Variants in TAOK3 observed in about 807,000 individuals in gnomAD.
TAOK3 encodes the protein TAO kinase 3.
In TAOK3, 40 loss-of-function variants were observed where a neutral mutation model predicts 120.4. The observed-to-expected ratio is 0.33, with a 90% CI of 0.26 to 0.43. The LOEUF is 0.43. TAOK3 is among the 20% of genes least tolerant of loss of function. The pLI, the probability that TAOK3 is intolerant of heterozygous loss-of-function variation, is 1.00. For synonymous variants in TAOK3, 355 were observed against 387.5 expected (o/e 0.92, Z 0.99); for missense variants, 821 against 1,112.1 (o/e 0.74, Z 3.72).
In TAOK3 at chr12:118,354,928, AT is replaced by A. The variant is rs994511898; in HGVS notation, c.-194+17719del. ...CAGACTAATACATCCTGTCTCTGCA[AT>A]TTTTTTTTTTAATTAGCTATCTGGG... On this transcript the variant is annotated intron_variant, in intron 1 of 20. Coordinates refer to ENST00000392533, the MANE Select transcript of TAOK3 (RefSeq NM_016281.4). 9.5e-5 allele frequency among the ~76,000 whole-genome samples: 14 copies of A among 148,136 alleles called. No homozygotes were observed. The East Asian group carries it at 1.0e-3, about 11-fold the overall frequency.
At chr12:118,315,726 C>A (rs1038874657) in intron 1 of TAOK3, among the ~76,000 whole-genome samples, 1 of 151,904 alleles carries the variant, frequency 6.6e-6, no homozygotes, top group African/African-American at 2.4e-5. Flanking sequence ...AAAGGAAAAT[C>A]TAAAAATGAA....
In TAOK3 at chr12:118,206,761, T is replaced by A. The variant is rs372765806; in HGVS notation, c.820-5298A>T. 4.3e-3 allele frequency among the ~76,000 whole-genome samples: 661 copies of A among 152,018 alleles called. 2 individuals carry two copies. Among genetic ancestry groups the A allele is most frequent in the Non-Finnish European group, 6.5e-3 (445 of 67,976 alleles). On this transcript the variant is annotated intron_variant, in intron 11 of 20. Transcript: ENST00000392533. ...ACAGGCATGCACCACCATTTCCAGC[T>A]AATTTTTTGTATTTTAATAGAGATG...
At chr12:118,304,924 A>G (rs2042996036) in intron 1 of TAOK3, among the ~76,000 whole-genome samples, 1 of 152,184 alleles carries the variant, frequency 6.6e-6, no homozygotes, top group Admixed American at 6.5e-5. Flanking sequence ...CCTCTGCTTA[A>G]GAGTGTAGTC....
At chr12:118,286,208 T>C (rs546627302) in intron 1 of TAOK3, among the ~76,000 whole-genome samples, 66 of 152,266 alleles carry the variant, frequency 4.3e-4, no homozygotes, top group Middle Eastern at 3.4e-3. Flanking sequence ...TAAGAGAGGC[T>C]CAAGGAGGTT....
chr12:118,179,730 C>T lies in TAOK3; in HGVS notation c.1566+1641G>A, dbSNP rs1365963288. Among the ~76,000 whole-genome samples the T allele has an allele frequency of 5.3e-5, 8 of 150,720 alleles. No homozygotes were observed. In the South Asian group the frequency reaches 8.4e-4, roughly 16 times the overall value. Reference sequence around the variant, plus strand: ...CGTGACCTCGGCTCACTGCAATCTCCGCCTCCCGGGTTCAAGTGATTCTCT... The same window carrying T: ...CGTGACCTCGGCTCACTGCAATCTCTGCCTCCCGGGTTCAAGTGATTCTCT... On this transcript the variant is annotated intron_variant, in intron 15 of 20. Transcript: ENST00000392533.
intron 1 of TAOK3, among the ~76,000 whole-genome samples, chr12:118,293,088 A>G (rs2042543856): frequency 2.0e-5 from 3 of 152,236 alleles, no homozygotes; most frequent in African/African-American, 7.2e-5. Context: ...TCCTGTTGAA[A>G]GTTGCTTCAC....
At chr12:118,330,533 C>T (rs1008154319) in intron 1 of TAOK3, among the ~76,000 whole-genome samples, 1 of 152,012 alleles carries the variant, frequency 6.6e-6, no homozygotes, top group Non-Finnish European at 1.5e-5. Flanking sequence ...AGTGTATGTG[C>T]GTGTCTGGCT....
rs529755261 is a variant in TAOK3 at position 118,312,102 on chromosome 12, A to C, written c.-193-45343T>G. On this transcript the variant is annotated intron_variant, in intron 1 of 20. Coordinates refer to ENST00000392533, the MANE Select transcript of TAOK3 (RefSeq NM_016281.4). ...ATAGATTTGAAAGATAATATATTCA[A>C]AATCAGTTTCCTTGAAAAATAGAAA... Among the ~76,000 whole-genome samples the C allele has an allele frequency of 2.3e-4, 35 of 152,320 alleles. 1 individual carries two copies. In the South Asian group the frequency reaches 7.1e-3, roughly 31 times the overall value.
intron 1 of TAOK3, among the ~76,000 whole-genome samples, chr12:118,279,663 A>C (rs1316478831): frequency 1.3e-5 from 2 of 149,198 alleles, no homozygotes; most frequent in Non-Finnish European, 3.0e-5. Context: ...GGCTGACTGC[A>C]ACCTCTGCCT....
At position 118,371,542 on chromosome 12, in the gene TAOK3, C is replaced by T. The variant is rs1376749975; in HGVS notation, c.-194+1106G>A. On this transcript the variant is annotated intron_variant, in intron 1 of 20. Transcript: ENST00000392533. The surrounding 1 kb of genome is among the most constrained non-coding windows in gnomAD (Gnocchi z 5.5). Reference sequence around the variant, plus strand: ...ATCCGGCTCCGGAGTCCCCCGGAGTCCCGGGGGCTCACACTCCACCCTCAG... The same window carrying T: ...ATCCGGCTCCGGAGTCCCCCGGAGTTCCGGGGGCTCACACTCCACCCTCAG... Among the ~76,000 whole-genome samples the T allele has an allele frequency of 8.6e-5, 13 of 151,984 alleles. No homozygotes were observed. The highest frequency in any genetic ancestry group is 2.6e-4 in the Admixed American group (4 of 15,290).
At chr12:118,283,088 C>T (rs188514864) in intron 1 of TAOK3, among the ~76,000 whole-genome samples, 1 of 152,204 alleles carries the variant, frequency 6.6e-6, no homozygotes, top group Non-Finnish European at 1.5e-5. Context: ...GTAAGTTTTA[C>T]AACCTGTTTA....
Position 118,324,398 on chromosome 12 carries a change from C to T in TAOK3, c.-194+48250G>A, listed in dbSNP as rs77265006. ...GTGTTAGGAACATTCCAATTCCACT[C>T]TCTTTTAATTATTTTAAAATATCCA... On this transcript the variant is annotated intron_variant, in intron 1 of 20. Coordinates refer to ENST00000392533, the MANE Select transcript of TAOK3 (RefSeq NM_016281.4). Among the ~76,000 whole-genome samples, 1,397 of 152,238 alleles carry T rather than the reference C, an allele frequency of 9.2e-3. 12 individuals are homozygous for T. The highest frequency in any genetic ancestry group is 0.031 in the African/African-American group (1,293 of 41,512).
intron 1 of TAOK3, among the ~76,000 whole-genome samples, chr12:118,345,383 A>C (rs1303164355): frequency 6.6e-6 from 1 of 152,216 alleles, no homozygotes; most frequent in Non-Finnish European, 1.5e-5. Context: ...AGGGTTCATA[A>C]CCAAGAAGTT....
chr12:118,187,649 T>C (rs890054585), intron 14 of TAOK3, among the ~76,000 whole-genome samples: 1 of 152,002 alleles, frequency 6.6e-6, no homozygotes, highest in Admixed American at 6.6e-5. Context: ...TGAACTCTGG[T>C]AAACTACCAT....
At chr12:118,229,733 C>G (rs1412191682) in intron 9 of TAOK3, among the ~76,000 whole-genome samples, 1 of 151,960 alleles carries the variant, frequency 6.6e-6, no homozygotes, top group Non-Finnish European at 1.5e-5. Flanking sequence ...AGATTGAGAC[C>G]ATCCTGGCTA....
chr12:118,233,329 C>T (rs2139838851), intron 9 of TAOK3, among the ~76,000 whole-genome samples: 1 of 151,566 alleles, frequency 6.6e-6, no homozygotes, highest in East Asian at 1.9e-4. Context: ...ATGCAGCACA[C>T]CAACATGGCA....
At chr12:118,171,422 T>A (rs777282885) in intron 17 of TAOK3, among the ~76,000 whole-genome samples, 1 of 152,228 alleles carries the variant, frequency 6.6e-6, no homozygotes, top group South Asian at 2.1e-4. Flanking sequence ...AGTGGCACGA[T>A]CCTGGCTCAC....
chr12:118,214,640 G>T (rs1196612653), intron 9 of TAOK3, among the ~76,000 whole-genome samples: 1 of 150,684 alleles, frequency 6.6e-6, no homozygotes, highest in Non-Finnish European at 1.5e-5. Flanking sequence ...ACAGTGGCAC[G>T]ATCTGCAACC....
chr12:118,162,450 T>C (rs1295610986), intron 17 of TAOK3, among the ~76,000 whole-genome samples: 1 of 152,148 alleles, frequency 6.6e-6, no homozygotes, highest in African/African-American at 2.4e-5. Context: ...TGCTTGAATC[T>C]CACAGGGTGA....
Sources: allele counts gnomAD v4.1 joint callset (sites outside exome capture counted in the v4.1 genomes callset), GRCh38; gene constraint gnomAD v4.1.1; non-coding constraint Gnocchi (gnomAD v3.1); transcripts MANE v1.5; gene names NCBI Gene and HGNC (gene_info 2026-07-23, HGNC 2026-07-21).